The following VPS26B variants were observed in gnomAD, a reference collection of about 807,000 sequenced individuals.
VPS26B encodes the protein VPS26 retromer complex component B.
VPS26B carries 10 observed loss-of-function variants against 33.3 expected under a neutral mutation model. The observed-to-expected ratio is 0.30, with a 90% CI of 0.19 to 0.51. The LOEUF is 0.51. Ranked by LOEUF, VPS26B falls within the 20% of genes least tolerant of loss-of-function variation. VPS26B has a pLI of 0.98. For synonymous variants in VPS26B, 190 were observed against 176.9 expected (o/e 1.07, Z -0.59); for missense variants, 317 against 452.7 (o/e 0.70, Z 2.72).
At chr11:134,242,322 C>G (rs77527479) in intron 3 of VPS26B, among the ~76,000 whole-genome samples, 101 of 152,300 alleles carry the variant, frequency 6.6e-4, no homozygotes, top group African/African-American at 2.0e-3. Context: ...TTCTCTACCC[C>G]CTACTCACAT....
chr11:134,245,478 G>A lies in VPS26B; in HGVS notation c.899G>A (p.Arg300Gln), dbSNP rs138823375. The change falls in exon 6 of 6, where the codon CGG (arginine) becomes CAG (glutamine). Residue 300 changes from arginine (R) to glutamine (Q), a missense_variant. By Grantham distance (43) the Arg-to-Gln change is conservative (BLOSUM62 1). Coordinates refer to ENST00000281187, the MANE Select transcript of VPS26B (RefSeq NM_052875.5). The surrounding 1 kb of genome is among the most constrained non-coding windows in gnomAD (Gnocchi z 4.7). ...VVLWRKGDIVRKSMSHQAAIA... is the reference protein window; with the variant it reads ...VVLWRKGDIVQKSMSHQAAIA... Reference sequence around the variant, plus strand: ...TTGTGGCGGAAGGGTGACATCGTACGGAAGAGCATGTCCCACCAGGCGGCC... The same window carrying A: ...TTGTGGCGGAAGGGTGACATCGTACAGAAGAGCATGTCCCACCAGGCGGCC... 10 of 1,613,856 alleles carry A rather than the reference G, an allele frequency of 6.2e-6. No homozygotes were observed. Among genetic ancestry groups the A allele is most frequent in the East Asian group, 2.2e-5 (1 of 44,870 alleles).
intron 1 of VPS26B, 27 bp from the exon 2 acceptor site, chr11:134,234,870 G>A: frequency 6.2e-7 from 1 of 1,608,414 alleles, no homozygotes; most frequent in Non-Finnish European, 8.5e-7. Context: ...TGATAAAGGA[G>A]GGCGTCGCAT....
At chr11:134,238,911 A>G (rs555718293) in intron 2 of VPS26B, among the ~76,000 whole-genome samples, 8 of 152,350 alleles carry the variant, frequency 5.3e-5, no homozygotes, top group Non-Finnish European at 2.9e-5. Flanking sequence ...TTATAACTTC[A>G]TCTGGTAATG....
intron 1 of VPS26B, among the ~76,000 whole-genome samples, chr11:134,234,580 T>G (rs1232539511): frequency 6.6e-6 from 1 of 152,212 alleles, no homozygotes; most frequent in African/African-American, 2.4e-5. Flanking sequence ...AAATGCTGTT[T>G]AAAGAAGTGT....
chr11:134,244,983 C>G lies in VPS26B; in HGVS notation c.767C>G (p.Thr256Arg). The G allele has an allele frequency of 6.2e-7, 1 of 1,614,084 alleles. No individual in the cohort carries two copies. The highest frequency in any genetic ancestry group is 1.1e-5 in the South Asian group (1 of 91,084). Residue 256 changes from threonine (T) to arginine (R), a missense_variant, in exon 5 of 6, where the codon ACG becomes AGG. Coordinates refer to ENST00000281187, the MANE Select transcript of VPS26B (RefSeq NM_052875.5). This position sits in a 1 kb window ranked among gnomAD's most constrained non-coding sequence, Gnocchi z 4.0. ...CTCTTCCTGGCCGGGTATGAGCTCA[C>G]GCCCACCATGCGGGACATCAACAAG... ...IRLFLAGYEL[T>R]PTMRDINKKF...
rs1938785726 is a variant in VPS26B at position 134,244,825 on chromosome 11, G to C, written c.722-113G>C. The C allele has an allele frequency of 4.2e-6, 6 of 1,415,892 alleles. No homozygotes were observed. The highest frequency in any genetic ancestry group is 5.6e-6 in the Non-Finnish European group (6 of 1,069,312). 87.7% of individuals were successfully genotyped at this position (1,415,892 alleles called of 1,614,324 possible). A position where few individuals can be genotyped will look rare whatever the true frequency, so the allele number is the denominator to read the frequency against. ...AGCGACTGCACCTTCCCAGAAGGCT[G>C]AAGTGCTCGTGTGCTGCACTCCAGT... On this transcript the variant is annotated intron_variant, in intron 4 of 5. Coordinates refer to ENST00000281187, the MANE Select transcript of VPS26B (RefSeq NM_052875.5). This position sits in a 1 kb window ranked among gnomAD's most constrained non-coding sequence, Gnocchi z 4.0.
At chr11:134,235,153 C>T (rs1473908172) in intron 2 of VPS26B, 100 bp downstream of exon 2, 17 of 1,435,366 alleles carry the variant, frequency 1.2e-5, no homozygotes, top group Middle Eastern at 2.2e-4. Context: ...ACAGGGATCC[C>T]GAGAAGGAAG....
chr11:134,234,749 TC>T (rs1368091554), intron 1 of VPS26B, 147 bp from the exon 2 acceptor site: 2 of 884,732 alleles, frequency 2.3e-6, no homozygotes, highest in African/African-American at 3.4e-5. Flanking sequence ...AGAGCAGAGG[TC>T]AAGAAAACAA....
chr11:134,242,669 C>T (rs1030259237), intron 3 of VPS26B, among the ~76,000 whole-genome samples: 5 of 152,254 alleles, frequency 3.3e-5, no homozygotes, highest in Non-Finnish European at 1.5e-5. Flanking sequence ...CCTGGCCTGT[C>T]GGCCTAGAGC....
At chr11:134,236,717 A>G (rs371191458) in intron 2 of VPS26B, 1 of 152,358 alleles carries the variant, frequency 6.6e-6, no homozygotes, top group South Asian at 2.1e-4. Context: ...TCACAAAAGG[A>G]CAAATACTGT....
chr11:134,240,753 C>G lies in VPS26B; in HGVS notation c.545+598C>G, dbSNP rs373424228. On this transcript the variant is annotated intron_variant, in intron 3 of 5. Transcript: ENST00000281187. The surrounding 1 kb of genome is among the most constrained non-coding windows in gnomAD (Gnocchi z 4.4). ...AGCTAGGAGCACAGGCATGCACCGCCACACCCAGCTAATTTGTGTCCGTGT... is the reference window on the plus strand; with the variant it reads ...AGCTAGGAGCACAGGCATGCACCGCGACACCCAGCTAATTTGTGTCCGTGT... 5.3e-5 allele frequency among the ~76,000 whole-genome samples: 8 copies of G among 151,534 alleles called. No homozygotes were observed. In the East Asian group the frequency reaches 7.8e-4, roughly 15 times the overall value.
chr11:134,225,387 C>G (rs1315234957), intron 1 of VPS26B, 42 bp downstream of exon 1: 8 of 1,601,368 alleles, frequency 5.0e-6, no homozygotes, highest in Non-Finnish European at 6.8e-6. Context: ...CGCCGACAGC[C>G]GGCCGGGGAG....
rs114941214 is a variant in VPS26B at position 134,241,871 on chromosome 11, T to C, written c.546-1248T>C. On this transcript the variant is annotated intron_variant, in intron 3 of 5. Transcript: ENST00000281187. ...GGTCAGCAGATACTAACATTTTGTA[T>C]CTCGGCTTCTCATCTGTAAAACGAG... Among the ~76,000 whole-genome samples the C allele has an allele frequency of 7.0e-3, 1,059 of 152,338 alleles. 14 individuals are homozygous for C. The highest frequency in any genetic ancestry group is 0.024 in the African/African-American group (1,008 of 41,572).
At chr11:134,228,502 A>G (rs540064153) in intron 1 of VPS26B, among the ~76,000 whole-genome samples, 39 of 150,818 alleles carry the variant, frequency 2.6e-4, no homozygotes, top group Middle Eastern at 3.5e-3. Context: ...TTTGGGATGT[A>G]TTTCTTGATC....
In VPS26B at chr11:134,240,774, C is replaced by CGTGTGT. The variant is rs145007065; in HGVS notation, c.545+632_545+637dup. On this transcript the variant is annotated intron_variant, in intron 3 of 5. Transcript: ENST00000281187. The surrounding 1 kb of genome is among the most constrained non-coding windows in gnomAD (Gnocchi z 4.4). ...CCGCCACACCCAGCTAATTTGTGTC[C>CGTGTGT]GTGTGTGTGTGTGTGTGTCCGTGTG... 6.5e-5 allele frequency among the ~76,000 whole-genome samples: 9 copies of CGTGTGT among 137,932 alleles called. No homozygotes were observed. The highest frequency in any genetic ancestry group is 2.1e-4 in the African/African-American group (8 of 37,696). 90.5% of individuals were successfully genotyped at this position (137,932 alleles called of 152,430 possible).
intron 1 of VPS26B, among the ~76,000 whole-genome samples, chr11:134,233,118 T>C (rs1429598295): frequency 6.6e-6 from 1 of 152,178 alleles, no homozygotes; most frequent in African/African-American, 2.4e-5. Context: ...AAGGTCATTG[T>C]TTGTAATAAA....
Position 134,246,378 on chromosome 11 carries a change from A to G in VPS26B, c.*788A>G, listed in dbSNP as rs1438442082. ...TCACGTCGCTCCACTTGGTAACCCC[A>G]AGGTCTGGGCTGTTCTAGGTATTGC... is the stretch of plus-strand genomic sequence containing the variant. On this transcript the variant is annotated 3_prime_UTR_variant, in exon 6 of 6. Coordinates refer to ENST00000281187, the MANE Select transcript of VPS26B (RefSeq NM_052875.5). 3 of 152,182 alleles carry G rather than the reference A, an allele frequency of 2.0e-5. No individual in the cohort carries two copies. Among genetic ancestry groups the G allele is most frequent in the African/African-American group, 7.2e-5 (3 of 41,408 alleles). 9.4% of individuals were successfully genotyped at this position (152,182 alleles called of 1,614,324 possible). A position where few individuals can be genotyped will look rare whatever the true frequency, so the allele number is the denominator to read the frequency against.
In VPS26B at chr11:134,240,217, T is replaced by G; in HGVS notation, c.545+62T>G. 1 of 1,574,468 alleles carries G rather than the reference T, an allele frequency of 6.4e-7. No homozygotes were observed. Among genetic ancestry groups the G allele is most frequent in the South Asian group, 1.1e-5 (1 of 89,562 alleles). On this transcript the variant is annotated intron_variant, in intron 3 of 5. Transcript: ENST00000281187. This position sits in a 1 kb window ranked among gnomAD's most constrained non-coding sequence, Gnocchi z 4.4. The stretch of plus-strand genomic sequence containing the variant: ...TTAAGGAGGTTAAGATGGGACTTGA[T>G]GCAGATGCAAACTGATGACCCTCTG...
intron 3 of VPS26B, among the ~76,000 whole-genome samples, chr11:134,242,698 T>C (rs1344556020): frequency 6.6e-6 from 1 of 152,290 alleles, no homozygotes; most frequent in East Asian, 1.9e-4. Flanking sequence ...CTGTGTGCTT[T>C]GAGCCATCCA....
Sources: gnomAD v4.1 joint callset for allele counts (sites outside exome capture counted in the v4.1 genomes callset) on GRCh38, gnomAD v4.1.1 for gene constraint, Gnocchi (gnomAD v3.1) non-coding constraint, MANE v1.5 for transcripts, NCBI Gene and HGNC (gene_info 2026-07-23, HGNC 2026-07-21) for gene names.